Variants in SHLD1 observed in about 807,000 individuals in gnomAD.
The protein encoded by SHLD1 is shieldin complex subunit 1, also known as RINN1-REV7-interacting novel NHEJ regulator 3.
SHLD1 carries 3 observed loss-of-function variants against 5.5 expected under a neutral mutation model. That is an observed-to-expected ratio of 0.54 (90% CI 0.25 to 1.40). The LOEUF (loss-of-function observed/expected upper bound fraction) is 1.40. Among genes scored for constraint, SHLD1 ranks in the 40% most tolerant of loss-of-function variants. The pLI, the probability that SHLD1 is intolerant of heterozygous loss-of-function variation, is 0.15. For synonymous variants in SHLD1, 92 were observed against 94.3 expected (o/e 0.98, Z 0.14); for missense variants, 210 against 244.4 (o/e 0.86, Z 0.94).
chr20:5,815,088 G>A (rs926159354), intron 2 of SHLD1, among the ~76,000 whole-genome samples: 11 of 152,196 alleles, frequency 7.2e-5, no homozygotes, highest in African/African-American at 2.7e-4. Context: ...ATGCCTGCGA[G>A]ACAGCGGCCC....
At chr20:5,802,659 A>AT (rs993864378) in intron 2 of SHLD1, among the ~76,000 whole-genome samples, 2 of 145,064 alleles carry the variant, frequency 1.4e-5, no homozygotes, top group African/African-American at 5.1e-5. Flanking sequence ...TTTTCTTTTC[A>AT]TTTTTTTGAC....
At chr20:5,766,620 T>C (rs1269255034) in intron 1 of SHLD1, among the ~76,000 whole-genome samples, 2 of 152,102 alleles carry the variant, frequency 1.3e-5, no homozygotes, top group African/African-American at 4.8e-5. Flanking sequence ...TTAAAGAGGG[T>C]ACTGATAGGA....
At chr20:5,763,584 C>T (rs1364065445) in intron 1 of SHLD1, among the ~76,000 whole-genome samples, 1 of 152,122 alleles carries the variant, frequency 6.6e-6, no homozygotes, top group Non-Finnish European at 1.5e-5. Context: ...TTCCTTTTCT[C>T]TTGTGACACA....
chr20:5,832,275 C>T (rs942766369), intron 2 of SHLD1, among the ~76,000 whole-genome samples: 1 of 152,182 alleles, frequency 6.6e-6, no homozygotes, highest in African/African-American at 2.4e-5. Context: ...GAAGTGAATC[C>T]AGGAGACAGA....
At chr20:5,797,865 A>G (rs2122326707) in intron 2 of SHLD1, among the ~76,000 whole-genome samples, 1 of 152,300 alleles carries the variant, frequency 6.6e-6, no homozygotes, top group African/African-American at 2.4e-5. Flanking sequence ...CTTAGGCTCT[A>G]TGCCTATTAT....
At chr20:5,750,662 T>C (rs1719103879) in intron 1 of SHLD1, among the ~76,000 whole-genome samples, 183 bp downstream of exon 1, 1 of 152,034 alleles carries the variant, frequency 6.6e-6, no homozygotes, top group Admixed American at 6.6e-5. Flanking sequence ...CTTTGGGGAA[T>C]TTTGGGAATT....
chr20:5,800,222 G>A (rs776562502), intron 2 of SHLD1, among the ~76,000 whole-genome samples: 1 of 152,224 alleles, frequency 6.6e-6, no homozygotes, highest in Non-Finnish European at 1.5e-5. Context: ...CTGAGCTACA[G>A]CAAAGATTCT....
intron 1 of SHLD1, among the ~76,000 whole-genome samples, chr20:5,756,151 C>G (rs632438): frequency 0.78 from 119,060 of 151,878 alleles, 47,129 homozygotes; most frequent in African/African-American, 0.89. Flanking sequence ...TTTCCATCAT[C>G]GCCTGAACTA....
At chr20:5,809,800 C>CT (rs1257962411) in intron 2 of SHLD1, among the ~76,000 whole-genome samples, 1 of 152,030 alleles carries the variant, frequency 6.6e-6, no homozygotes, top group African/African-American at 2.4e-5. Flanking sequence ...TCTAAATATC[C>CT]TGCAATGCAC....
chr20:5,813,946 T>C (rs1294697), intron 2 of SHLD1, among the ~76,000 whole-genome samples: 51 of 49,836 alleles, frequency 1.0e-3, no homozygotes, highest in Non-Finnish European at 2.5e-3. Context: ...CTTTTCTTTC[T>C]TTTTTTTTTT....
intron 1 of SHLD1, among the ~76,000 whole-genome samples, chr20:5,755,694 G>A (rs1157348343): frequency 6.6e-6 from 1 of 151,872 alleles, no homozygotes; most frequent in Non-Finnish European, 1.5e-5. Flanking sequence ...CCAGTAGCTG[G>A]GATTACAGGC....
At chr20:5,753,399 T>C (rs1290892851) in intron 1 of SHLD1, among the ~76,000 whole-genome samples, 5 of 152,256 alleles carry the variant, frequency 3.3e-5, no homozygotes, top group African/African-American at 1.2e-4. Context: ...ACCTCGGCCT[T>C]CCAAAGTGAT....
intron 2 of SHLD1, among the ~76,000 whole-genome samples, chr20:5,831,377 A>G (rs2087726913): frequency 6.6e-6 from 1 of 152,182 alleles, no homozygotes; most frequent in African/African-American, 2.4e-5. Flanking sequence ...TGTAAGCTGT[A>G]ATTTACAGCC....
intron 2 of SHLD1, among the ~76,000 whole-genome samples, chr20:5,846,571 G>A (rs921800453): frequency 6.6e-6 from 1 of 152,188 alleles, no homozygotes; most frequent in Non-Finnish European, 1.5e-5. Flanking sequence ...TGAAATGAAA[G>A]TTTAAAAACC....
chr20:5,792,637 C>G (rs1290276384), intron 2 of SHLD1, among the ~76,000 whole-genome samples: 3 of 149,078 alleles, frequency 2.0e-5, no homozygotes, highest in Non-Finnish European at 4.4e-5. Context: ...CCAGGCTGGT[C>G]TCGAACTCCT....
intron 2 of SHLD1, among the ~76,000 whole-genome samples, chr20:5,817,418 CTCTCTCTCTCTCTCTGTGTG>C (rs1336911999): frequency 6.6e-5 from 9 of 136,760 alleles, no homozygotes; most frequent in African/African-American, 2.7e-4. Flanking sequence ...CTCTCTCTCT[CTCTCTCTCTCTCTCTGTGTG>C]TGTGTGTGTG....
At chr20:5,775,653 G>T (rs1985387947) in intron 2 of SHLD1, among the ~76,000 whole-genome samples, 1 of 152,196 alleles carries the variant, frequency 6.6e-6, no homozygotes, top group Non-Finnish European at 1.5e-5. Flanking sequence ...CGGTAGTAGT[G>T]GTGGTCGTGC....
At chr20:5,824,162 C>G (rs900945308) in intron 2 of SHLD1, among the ~76,000 whole-genome samples, 2 of 152,214 alleles carry the variant, frequency 1.3e-5, no homozygotes, top group African/African-American at 4.8e-5. Context: ...GCCGCACTGG[C>G]CTTCTTTCTG....
Position 5,772,842 on chromosome 20 carries a change from T to C in SHLD1, c.-4-20T>C. 2 of 1,596,130 alleles carry C rather than the reference T, an allele frequency of 1.3e-6. No individual in the cohort carries two copies. The highest frequency in any genetic ancestry group is 1.7e-6 in the Non-Finnish European group (2 of 1,170,606). On this transcript the variant is annotated intron_variant, in intron 1 of 2. Transcript: ENST00000303142. The stretch of plus-strand genomic sequence containing the variant: ...ATGTGGTGCCTTTTGTACTGAATTG[T>C]TTTCTTTTTTCCATGGCAGGACTAT...
Sources: allele counts gnomAD v4.1 joint callset (sites outside exome capture counted in the v4.1 genomes callset), GRCh38; gene constraint gnomAD v4.1.1; transcripts MANE v1.5; gene names NCBI Gene and HGNC (gene_info 2026-07-23, HGNC 2026-07-21).